CDKAL1: variants seen among roughly 807,000 people sequenced by gnomAD.
CDKAL1 encodes CDKAL1 threonylcarbamoyladenosine tRNA methylthiotransferase.
CDKAL1 carries 32 observed loss-of-function variants against 68.2 expected under a neutral mutation model. The ratio of observed to expected loss-of-function variants is 0.47; its 90% confidence interval spans 0.35 to 0.63. The LOEUF (loss-of-function observed/expected upper bound fraction) is 0.63, where lower values mean the gene tolerates loss of function less well. CDKAL1 is among the 30% of genes least tolerant of loss of function. The pLI is 0.00. For missense variants in CDKAL1, 606 were observed against 696.7 expected (o/e 0.87, Z 1.47); for synonymous variants, 234 against 244.3 (o/e 0.96, Z 0.39).
chr6:20,636,741 A>G (rs1767919540), intron 4 of CDKAL1, among the ~76,000 whole-genome samples: 1 of 152,162 alleles, frequency 6.6e-6, no homozygotes. Flanking sequence ...TTGATAACAT[A>G]AAGAAAGGAT....
chr6:20,802,113 C>T (rs1038233768), intron 8 of CDKAL1, among the ~76,000 whole-genome samples: 7 of 151,932 alleles, frequency 4.6e-5, no homozygotes, highest in African/African-American at 1.7e-4. Flanking sequence ...TCCTGGCCAA[C>T]ATGGTGAAAC....
intron 9 of CDKAL1, among the ~76,000 whole-genome samples, chr6:20,935,883 A>C (rs562989916): frequency 1.5e-3 from 225 of 152,210 alleles, no homozygotes; most frequent in Middle Eastern, 6.8e-3. Flanking sequence ...TGCACACCAG[A>C]CCTGCTTCCC....
chr6:20,964,755 T>A (rs1765221353), intron 10 of CDKAL1, among the ~76,000 whole-genome samples: 1 of 152,150 alleles, frequency 6.6e-6, no homozygotes, highest in South Asian at 2.1e-4. Context: ...AGTTTACCTA[T>A]GTCTCAGGGC....
At chr6:20,821,257 C>T (rs1252894579) in intron 8 of CDKAL1, among the ~76,000 whole-genome samples, 4 of 151,996 alleles carry the variant, frequency 2.6e-5, no homozygotes, top group East Asian at 1.9e-4. Context: ...GCTGTAGGGA[C>T]GATATCCTGT....
At chr6:20,694,056 GTGTGTA>G (rs767690797) in intron 5 of CDKAL1, among the ~76,000 whole-genome samples, 4,937 of 87,486 alleles carry the variant, frequency 0.056, 161 homozygotes, top group East Asian at 0.34. Context: ...GTGTGTGTGT[GTGTGTA>G]TGTGTGTGTG....
intron 9 of CDKAL1, among the ~76,000 whole-genome samples, chr6:20,849,355 G>T (rs1245421700): frequency 1.3e-5 from 2 of 151,960 alleles, no homozygotes; most frequent in Admixed American, 1.3e-4. Flanking sequence ...AGGCCAAGGC[G>T]GGTGGATCAC....
chr6:20,890,865 A>T (rs547352720), intron 9 of CDKAL1, among the ~76,000 whole-genome samples: 1 of 152,366 alleles, frequency 6.6e-6, no homozygotes, highest in African/African-American at 2.4e-5. Context: ...TAATAAAAAC[A>T]ATAGTAACGT....
At chr6:20,974,623 T>C (rs1251579477) in intron 10 of CDKAL1, among the ~76,000 whole-genome samples, 13 of 152,084 alleles carry the variant, frequency 8.5e-5, no homozygotes, top group Admixed American at 8.5e-4. Context: ...TGGATTTTGT[T>C]TTCTCCTTGA....
intron 12 of CDKAL1, among the ~76,000 whole-genome samples, chr6:21,083,274 A>C (rs570228632): frequency 6.6e-6 from 1 of 152,064 alleles, no homozygotes; most frequent in East Asian, 1.9e-4. Flanking sequence ...TTTAACTGCA[A>C]CTCCTCACAT....
chr6:20,611,987 G>A (rs1766638059), intron 4 of CDKAL1, among the ~76,000 whole-genome samples: 1 of 152,120 alleles, frequency 6.6e-6, no homozygotes, highest in African/African-American at 2.4e-5. Flanking sequence ...CCCCACATGA[G>A]TGACAACATG....
At chr6:20,644,691 A>AAAAACC (rs1265271072) in intron 4 of CDKAL1, among the ~76,000 whole-genome samples, 2 of 142,338 alleles carry the variant, frequency 1.4e-5, no homozygotes, top group East Asian at 3.9e-4. Flanking sequence ...AAACAAAAAC[A>AAAAACC]CAACAAAAAA....
chr6:21,007,252 A>C (rs181253885), intron 11 of CDKAL1, among the ~76,000 whole-genome samples: 1 of 152,172 alleles, frequency 6.6e-6, no homozygotes, highest in African/African-American at 2.4e-5. Flanking sequence ...CAGCCTGGAC[A>C]ACATAGCAAA....
At chr6:21,192,938 T>C (rs1314360483) in intron 13 of CDKAL1, among the ~76,000 whole-genome samples, 2 of 152,010 alleles carry the variant, frequency 1.3e-5, no homozygotes, top group Non-Finnish European at 2.9e-5. Flanking sequence ...TGCCTTAGTG[T>C]TCCAAGTAGC....
chr6:21,030,502 A>G (rs1279051256), intron 11 of CDKAL1, among the ~76,000 whole-genome samples: 1 of 152,182 alleles, frequency 6.6e-6, no homozygotes, highest in Non-Finnish European at 1.5e-5. Flanking sequence ...AAAAAAAATT[A>G]AAAAGAGAGA....
At chr6:20,914,850 A>G (rs1179562125) in intron 9 of CDKAL1, among the ~76,000 whole-genome samples, 2 of 152,182 alleles carry the variant, frequency 1.3e-5, no homozygotes, top group Admixed American at 6.5e-5. Flanking sequence ...TCACTTTGAC[A>G]AAATTTGAAT....
At chr6:20,677,178 C>T (rs1469925340) in intron 5 of CDKAL1, among the ~76,000 whole-genome samples, 2 of 151,944 alleles carry the variant, frequency 1.3e-5, no homozygotes, top group Non-Finnish European at 2.9e-5. Flanking sequence ...TCAAGCGATT[C>T]TCCTGCCTCA....
At chr6:21,161,481 A>T (rs1170742891) in intron 13 of CDKAL1, among the ~76,000 whole-genome samples, 1 of 152,214 alleles carries the variant, frequency 6.6e-6, no homozygotes, top group African/African-American at 2.4e-5. Context: ...GTTAGCAATA[A>T]TAGAGAGATG....
At chr6:21,198,835 C>A (rs1251264936) in intron 14 of CDKAL1, among the ~76,000 whole-genome samples, 1 of 152,204 alleles carries the variant, frequency 6.6e-6, no homozygotes, top group African/African-American at 2.4e-5. Context: ...GTTTCTACTC[C>A]TCCAGGTGGG....
chr6:21,084,891 C>G lies in CDKAL1; in HGVS notation c.1236+19663C>G, dbSNP rs1772610799. ...GGCTTGGCAGAGAGCCCCGGGAGCCCCACAATCCCCTGGGAGCAGCCTTCT... is the reference window on the plus strand; with the variant it reads ...GGCTTGGCAGAGAGCCCCGGGAGCCGCACAATCCCCTGGGAGCAGCCTTCT... On this transcript the variant is annotated intron_variant, in intron 12 of 15. Coordinates refer to ENST00000274695, the MANE Select transcript of CDKAL1 (RefSeq NM_017774.3). Among the ~76,000 whole-genome samples, 5 of 152,150 alleles carry G rather than the reference C, an allele frequency of 3.3e-5. No individual in the cohort carries two copies. In the South Asian group the frequency reaches 1.0e-3, roughly 32 times the overall value.
Sources: allele counts gnomAD v4.1 joint callset (sites outside exome capture counted in the v4.1 genomes callset), GRCh38; gene constraint gnomAD v4.1.1; transcripts MANE v1.5; gene names NCBI Gene and HGNC (gene_info 2026-07-23, HGNC 2026-07-21).